The following CUX2 variants were observed in gnomAD, a reference collection of about 807,000 sequenced individuals.
CUX2 encodes cut like homeobox 2, also known as homeobox protein cut-like 2.
Under a neutral mutation model 144.8 loss-of-function variants are expected in CUX2, and 40 were observed. The ratio of observed to expected loss-of-function variants is 0.28; its 90% CI spans 0.21 to 0.36. The LOEUF is 0.36. Ranked by LOEUF, CUX2 falls within the 10% of genes least tolerant of loss-of-function variation. The probability of loss-of-function intolerance (pLI) is 1.00; values close to 1 mark genes in which losing one functional copy is unlikely to be tolerated. For missense variants in CUX2, 1,615 were observed against 1,994.0 expected (o/e 0.81, Z 3.62); for synonymous variants, 827 against 875.6 (o/e 0.94, Z 0.98).
intron 3 of CUX2, among the ~76,000 whole-genome samples, chr12:111,237,149 T>C (rs1173742719): frequency 6.6e-6 from 1 of 152,160 alleles, no homozygotes; most frequent in East Asian, 1.9e-4. Flanking sequence ...ACCCTGTCTC[T>C]GTAAACAATA....
chr12:111,053,870 C>CA (rs1331039221), intron 1 of CUX2, among the ~76,000 whole-genome samples: 2 of 152,154 alleles, frequency 1.3e-5, no homozygotes, highest in African/African-American at 2.4e-5. Context: ...TTTAAAAACT[C>CA]AGAGCTGGGC....
chr12:111,267,816 C>T (rs575670285), intron 4 of CUX2, among the ~76,000 whole-genome samples: 1 of 152,242 alleles, frequency 6.6e-6, no homozygotes, highest in South Asian at 2.1e-4. Context: ...TCCTTTCTCT[C>T]TCTCTCTCCT....
chr12:111,343,739 A>C (rs1299823668), intron 21 of CUX2, among the ~76,000 whole-genome samples: 1 of 152,194 alleles, frequency 6.6e-6, no homozygotes, highest in East Asian at 1.9e-4. Flanking sequence ...AGATCAAATG[A>C]AATAACTCTG....
intron 1 of CUX2, among the ~76,000 whole-genome samples, chr12:111,074,139 G>A (rs1264721086): frequency 4.0e-5 from 6 of 151,718 alleles, no homozygotes; most frequent in South Asian, 2.1e-4. Context: ...TCCAGCAATC[G>A]GCTTAATTCC....
At chr12:111,115,824 T>C (rs1874264882) in intron 1 of CUX2, among the ~76,000 whole-genome samples, 1 of 152,222 alleles carries the variant, frequency 6.6e-6, no homozygotes, top group Non-Finnish European at 1.5e-5. Context: ...TCTCCCCCAC[T>C]AGACCATAAG....
In CUX2 at chr12:111,348,176, A is replaced by C. The variant is rs761156800; in HGVS notation, c.4312A>C (p.Thr1438Pro). 6.8e-6 allele frequency: 11 copies of C among 1,613,390 alleles called. No individual in the cohort carries two copies. In the Admixed American group the frequency reaches 8.3e-5, roughly 12 times the overall value. Residue 1438 changes from threonine to proline, a missense_variant, in exon 22 of 22, where the codon ACT (threonine) becomes CCT (proline). Thr to Pro is a conservative substitution (Grantham distance 38). Transcript: ENST00000261726. ...TGCCAAAGTGCCGAGTGCCAGCCCC[A>C]CTGCTGACATGGCTGGAGCCTTGCA... ...PPAKVPSASP[T>P]ADMAGALHPS... is the part of the protein sequence containing the mutation.
chr12:111,310,834 C>T lies in CUX2; in HGVS notation c.1900+152C>T. On this transcript the variant is annotated intron_variant, in intron 15 of 21. Coordinates refer to ENST00000261726, the MANE Select transcript of CUX2 (RefSeq NM_015267.4). The surrounding 1 kb of genome is among the most constrained non-coding windows in gnomAD (Gnocchi z 7.9). The stretch of plus-strand genomic sequence containing the variant: ...GGGCCAGTGGCTTTGCCTGTCTGTG[C>T]CTCAGTTTCCCCTCTGTAAAAGCAG... The T allele has an allele frequency of 2.5e-6, 2 of 813,962 alleles. No individual in the cohort carries two copies. The highest frequency in any genetic ancestry group is 3.7e-6 in the Non-Finnish European group (2 of 535,912). The allele number at this position is 813,962 out of a possible 1,614,324, so 50.4% of individuals were successfully genotyped here.
intron 4 of CUX2, among the ~76,000 whole-genome samples, chr12:111,275,374 C>T (rs987322775): frequency 6.6e-6 from 1 of 152,176 alleles, no homozygotes; most frequent in African/African-American, 2.4e-5. Flanking sequence ...GTTTGATCAT[C>T]GTGGCCACTG....
At chr12:111,070,677 A>C (rs78138454) in intron 1 of CUX2, among the ~76,000 whole-genome samples, 3,670 of 152,190 alleles carry the variant, frequency 0.024, 164 homozygotes, top group African/African-American at 0.084. Flanking sequence ...GGGCTTGGAC[A>C]AGTGTATAAT....
At chr12:111,219,909 C>T (rs767923045) in intron 3 of CUX2, among the ~76,000 whole-genome samples, 16 of 152,052 alleles carry the variant, frequency 1.1e-4, no homozygotes, top group Non-Finnish European at 2.1e-4. Context: ...TTTGGGAGGC[C>T]GAGGAGGGTG....
chr12:111,097,618 G>T (rs769732608), intron 1 of CUX2, among the ~76,000 whole-genome samples: 1 of 152,238 alleles, frequency 6.6e-6, no homozygotes, highest in South Asian at 2.1e-4. Flanking sequence ...ATGGGCTTCT[G>T]CTCTCAGGGG....
chr12:111,041,661 G>A (rs553277896), intron 1 of CUX2, among the ~76,000 whole-genome samples: 61 of 152,314 alleles, frequency 4.0e-4, no homozygotes, highest in Non-Finnish European at 7.8e-4. Flanking sequence ...GGCCACTGTG[G>A]GCAGGTCCAA....
chr12:111,172,315 TA>T (rs1566271704), intron 1 of CUX2, among the ~76,000 whole-genome samples: 1 of 152,162 alleles, frequency 6.6e-6, no homozygotes, highest in African/African-American at 2.4e-5. Flanking sequence ...TAGGTTTATT[TA>T]AAAAATCAGC....
chr12:111,141,126 C>T (rs117417662), intron 1 of CUX2, among the ~76,000 whole-genome samples: 11 of 152,026 alleles, frequency 7.2e-5, no homozygotes, highest in Non-Finnish European at 1.3e-4. Context: ...AATGCAGTGC[C>T]GGAAAAATAA....
At position 111,202,693 on chromosome 12, in the gene CUX2, C is replaced by T. The variant is rs116555245; in HGVS notation, c.64-11507C>T. ...AGCTGACATTGGAGGGGGCAGGAGG[C>T]GGGCAGGGAAAGCAGGCAATAAACA... On this transcript the variant is annotated intron_variant, in intron 1 of 21. Coordinates refer to ENST00000261726, the MANE Select transcript of CUX2 (RefSeq NM_015267.4). Among the ~76,000 whole-genome samples the T allele has an allele frequency of 9.4e-3, 1,426 of 152,172 alleles. 24 individuals are homozygous for T. The highest frequency in any genetic ancestry group is 0.032 in the African/African-American group (1,339 of 41,492).
Position 111,222,896 on chromosome 12 carries a change from G to A in CUX2, c.222+4959G>A, listed in dbSNP as rs769003965. 2.4e-4 allele frequency among the ~76,000 whole-genome samples: 36 copies of A among 152,260 alleles called. 1 individual carries two copies. The highest frequency in any genetic ancestry group is 4.1e-4 in the South Asian group (2 of 4,822). Reference sequence around the variant, plus strand: ...AAAGATGCATTAGATCATCACTTGAGCCCATGTAATCATTTAGTCACCTCA... The same window carrying A: ...AAAGATGCATTAGATCATCACTTGAACCCATGTAATCATTTAGTCACCTCA... On this transcript the variant is annotated intron_variant, in intron 3 of 21. Coordinates refer to ENST00000261726, the MANE Select transcript of CUX2 (RefSeq NM_015267.4).
chr12:111,064,098 G>T (rs539755707), intron 1 of CUX2, among the ~76,000 whole-genome samples: 2 of 152,340 alleles, frequency 1.3e-5, no homozygotes, highest in Admixed American at 6.5e-5. Context: ...GGTAGAAGGA[G>T]CCTTGTGTTT....
chr12:111,167,018 G>C (rs1048704758), intron 1 of CUX2, among the ~76,000 whole-genome samples: 19 of 152,174 alleles, frequency 1.2e-4, no homozygotes, highest in Admixed American at 2.6e-4. Flanking sequence ...GCAGGGCAGG[G>C]CGGGGGCTCT....
chr12:111,293,804 C>T lies in CUX2; in HGVS notation c.560+235C>T, dbSNP rs552138751. ...ACATCATCCTCTGAGCCTCAACTTC[C>T]CTACCTGGGAAATGGGGCTAAGGGT... On this transcript the variant is annotated intron_variant, in intron 6 of 21. Transcript: ENST00000261726. The surrounding 1 kb of genome is among the most constrained non-coding windows in gnomAD (Gnocchi z 4.5). Among the ~76,000 whole-genome samples, 1 of 152,312 alleles carries T rather than the reference C, an allele frequency of 6.6e-6. No homozygotes were observed. The highest frequency in any genetic ancestry group is 1.5e-5 in the Non-Finnish European group (1 of 68,036).
Sources: allele counts gnomAD v4.1 joint callset (sites outside exome capture counted in the v4.1 genomes callset), GRCh38; gene constraint gnomAD v4.1.1; non-coding constraint Gnocchi (gnomAD v3.1); transcripts MANE v1.5; gene names NCBI Gene and HGNC (gene_info 2026-07-23, HGNC 2026-07-21).